The following SLC30A6 variants were observed in gnomAD, a reference collection of about 807,000 sequenced individuals.
SLC30A6 encodes solute carrier family 30 member 6.
In SLC30A6, 55 loss-of-function variants were observed where a neutral mutation model predicts 63.0. The observed-to-expected ratio is 0.87, with a 90% CI of 0.70 to 1.09. The LOEUF (loss-of-function observed/expected upper bound fraction) is 1.09. Ranked by LOEUF, SLC30A6 falls within the 50% of genes least tolerant of loss-of-function variation. SLC30A6 has a pLI of 0.00. For missense variants in SLC30A6, 587 were observed against 549.2 expected (o/e 1.07, Z -0.69); for synonymous variants, 224 against 186.1 (o/e 1.20, Z -1.66).
At chr2:32,168,157 T>C (rs1228645006) in intron 1 of SLC30A6, among the ~76,000 whole-genome samples, 1 of 151,946 alleles carries the variant, frequency 6.6e-6, no homozygotes. Context: ...GAGAAAAGGT[T>C]TTGCGTTTAT....
chr2:32,209,454 G>C (rs759408734), intron 12 of SLC30A6, 39 bp from the exon 13 acceptor site: 27 of 1,530,782 alleles, frequency 1.8e-5, no homozygotes, highest in Non-Finnish European at 1.4e-5. Flanking sequence ...GATATGTTAA[G>C]TACAGACAAC....
At chr2:32,166,308 A>G (rs946954624) in intron 1 of SLC30A6, among the ~76,000 whole-genome samples, 1 of 152,184 alleles carries the variant, frequency 6.6e-6, no homozygotes, top group Non-Finnish European at 1.5e-5. Flanking sequence ...CCAGCGGAAA[A>G]AAAAAAAAAA....
intron 2 of SLC30A6, among the ~76,000 whole-genome samples, chr2:32,173,704 C>T (rs1478315472): frequency 6.6e-6 from 1 of 152,146 alleles, no homozygotes; most frequent in Admixed American, 6.5e-5. Flanking sequence ...GCCCTTTATT[C>T]AGATTCACCA....
At chr2:32,203,471 G>T in intron 10 of SLC30A6, 1 of 1,588,962 alleles carries the variant, frequency 6.3e-7, no homozygotes. Context: ...AGAGAAAGGG[G>T]CAGTGGATGC....
chr2:32,195,404 GC>G (rs1219607466), intron 8 of SLC30A6, among the ~76,000 whole-genome samples: 1 of 151,808 alleles, frequency 6.6e-6, no homozygotes, highest in Non-Finnish European at 1.5e-5. Flanking sequence ...CTTCAGTATT[GC>G]TTCTCATTAA....
chr2:32,177,444 C>T (rs989086030), intron 4 of SLC30A6: 5 of 227,516 alleles, frequency 2.2e-5, no homozygotes, highest in Non-Finnish European at 3.7e-5. Flanking sequence ...GCATGTACCA[C>T]CAGGCACGGC....
intron 1 of SLC30A6, among the ~76,000 whole-genome samples, chr2:32,169,698 G>A (rs1681020454): frequency 6.6e-6 from 1 of 152,218 alleles, no homozygotes; most frequent in African/African-American, 2.4e-5. Context: ...GGCTGCGACA[G>A]AGTGAATATC....
intron 11 of SLC30A6, among the ~76,000 whole-genome samples, chr2:32,205,659 C>CTTTTTT (rs1478767845): frequency 2.0e-5 from 2 of 97,700 alleles, no homozygotes; most frequent in African/African-American, 7.9e-5. Flanking sequence ...AAGAATGTTA[C>CTTTTTT]TTCTTTTTTT....
chr2:32,219,687 C>T (rs532239639), intron 13 of SLC30A6, among the ~76,000 whole-genome samples: 2 of 152,218 alleles, frequency 1.3e-5, no homozygotes, highest in South Asian at 4.2e-4. Context: ...CCACCCACCT[C>T]GGCCTCCCAA....
In SLC30A6 at chr2:32,197,790, T is replaced by A. The variant is rs1260267546; in HGVS notation, c.629T>A (p.Phe210Tyr). The change falls in exon 10 of 14, where the codon TTT becomes TAT. Residue 210 changes from phenylalanine to tyrosine, a missense_variant. Phe to Tyr is a conservative substitution (Grantham distance 22). Transcript: ENST00000282587. ...GTTTTGATTGATCTTGCTGGAGCAT[T>A]TGCTCTTTGTATTACATATATGCTC... Reference protein sequence around the residue: ...PFVLIDLAGAFALCITYMLIE... With the variant: ...PFVLIDLAGAYALCITYMLIE... 6.2e-7 allele frequency: 1 copy of A among 1,614,116 alleles called. No homozygotes were observed. Among genetic ancestry groups the A allele is most frequent in the Non-Finnish European group, 8.5e-7 (1 of 1,179,994 alleles).
rs1374172716 is a variant in SLC30A6, at chr2:32,205,659, CTTCTTTTTTTTTT to C, written c.768+970_768+982del. Among the ~76,000 whole-genome samples the C allele has an allele frequency of 4.5e-3, 443 of 97,730 alleles. 1 individual carries two copies. The highest frequency in any genetic ancestry group is 0.017 in the African/African-American group (421 of 25,382). 64.1% of individuals were successfully genotyped at this position (97,730 alleles called of 152,430 possible). The stretch of plus-strand genomic sequence containing the variant: ...TATTTTTCAAGTGAAAAGAATGTTA[CTTCTTTTTTTTTT>C]TTTTTTTTTTTTGAGACAGAGTCTC... On this transcript the variant is annotated intron_variant, in intron 11 of 13. Transcript: ENST00000282587.
intron 9 of SLC30A6, 99 bp from the exon 10 acceptor site, chr2:32,197,608 C>CACT (rs1265711080): frequency 1.3e-6 from 2 of 1,530,894 alleles, no homozygotes; most frequent in Non-Finnish European, 1.8e-6. Flanking sequence ...TTAAGAAGTA[C>CACT]ACTATGTGGT....
At chr2:32,197,208 T>C (rs1683867538) in intron 8 of SLC30A6, 136 bp from the exon 9 acceptor site, 7 of 704,522 alleles carry the variant, frequency 9.9e-6, no homozygotes, top group Non-Finnish European at 1.4e-5. Flanking sequence ...ATTTATAGAT[T>C]TGAGGAGTAG....
chr2:32,166,289 G>T (rs1558358453), intron 1 of SLC30A6, among the ~76,000 whole-genome samples: 1 of 150,212 alleles, frequency 6.7e-6, no homozygotes, highest in Non-Finnish European at 1.5e-5. Context: ...TAGAGCAGTG[G>T]CGATAACGCC....
intron 12 of SLC30A6, among the ~76,000 whole-genome samples, chr2:32,209,268 A>G (rs1388087165): frequency 6.6e-6 from 1 of 152,220 alleles, no homozygotes; most frequent in East Asian, 1.9e-4. Flanking sequence ...ACCTGATTCT[A>G]AAAGAATTGG....
At chr2:32,202,690 A>G in intron 10 of SLC30A6, 5 of 662,570 alleles carry the variant, frequency 7.5e-6, no homozygotes, top group Non-Finnish European at 8.4e-6. Context: ...CAAATGTTAG[A>G]GTTAGGTTTT....
chr2:32,171,480 CTGT>C (rs1415460473), intron 2 of SLC30A6, 107 bp downstream of exon 2: 3 of 768,598 alleles, frequency 3.9e-6, no homozygotes, highest in Non-Finnish European at 6.3e-6. Context: ...TCCTGCCACA[CTGT>C]TTTCATTTTT....
intron 1 of SLC30A6, among the ~76,000 whole-genome samples, chr2:32,166,605 CAGTT>C (rs1249061221): frequency 6.6e-6 from 1 of 152,174 alleles, no homozygotes; most frequent in Non-Finnish European, 1.5e-5. Flanking sequence ...TAAAGATAAG[CAGTT>C]GGTTGGGATT....
chr2:32,203,663 G>C, intron 10 of SLC30A6: 7 of 1,560,688 alleles, frequency 4.5e-6, no homozygotes, highest in Non-Finnish European at 6.2e-6. Context: ...CAGATTACCA[G>C]AATGTGCCTC....
Sources: gnomAD v4.1 joint callset for allele counts (sites outside exome capture counted in the v4.1 genomes callset) on GRCh38, gnomAD v4.1.1 for gene constraint, MANE v1.5 for transcripts, NCBI Gene and HGNC (gene_info 2026-07-23, HGNC 2026-07-21) for gene names.